INTS1: variants seen among roughly 807,000 people sequenced by gnomAD.
The protein encoded by INTS1 is integrator complex subunit 1.
INTS1 carries 137 observed loss-of-function variants against 241.6 expected under a neutral mutation model. The ratio of observed to expected loss-of-function variants is 0.57; its 90% CI spans 0.49 to 0.65. INTS1 has a LOEUF of 0.65. INTS1 is among the 30% of genes least tolerant of loss of function. The pLI is 0.00. For missense variants in INTS1, 3,073 were observed against 3,032.2 expected (o/e 1.01, Z -0.32); for synonymous variants, 1,692 against 1,337.8 (o/e 1.26, Z -5.78).
In INTS1 at chr7:1,499,177, G is replaced by A. The variant is rs1243998961; in HGVS notation, c.951-16C>T. On this transcript the variant is annotated splice_polypyrimidine_tract_variant and intron_variant, in intron 7 of 47. Transcript: ENST00000404767. ...CTCTTCGTACCTAGGCCAGAGGAGG[G>A]AGCGAGGAGGGAGGAAGGTGGCCCC... The A allele has an allele frequency of 9.3e-6, 15 of 1,606,408 alleles. No homozygotes were observed. The highest frequency in any genetic ancestry group is 3.4e-4 in the Middle Eastern group (2 of 5,834).
At chr7:1,504,240 C>G (rs981035797) in intron 1 of INTS1, 83 bp downstream of exon 1, 23 of 561,280 alleles carry the variant, frequency 4.1e-5, no homozygotes, top group Non-Finnish European at 7.0e-5. Context: ...CCAGAAGGGA[C>G]GGCCCAGAGG....
At chr7:1,499,659 C>A in intron 5 of INTS1, 27 bp from the exon 6 acceptor site, 1 of 1,572,154 alleles carries the variant, frequency 6.4e-7, no homozygotes, top group Non-Finnish European at 8.7e-7. Context: ...CCCTCAGCCC[C>A]GAGCCCAGCC....
chr7:1,483,901 G>GC (rs1363686748), intron 25 of INTS1, 48 bp from the exon 26 acceptor site: 1 of 1,588,472 alleles, frequency 6.3e-7, no homozygotes, highest in Non-Finnish European at 8.6e-7. Flanking sequence ...GGGACCCTGA[G>GC]CCAGCGCCGA....
At chr7:1,475,872 G>A (rs1393354548) in intron 39 of INTS1, 76 bp downstream of exon 39, 1 of 1,493,004 alleles carries the variant, frequency 6.7e-7, no homozygotes, top group Non-Finnish European at 9.0e-7. Context: ...CATGTACACT[G>A]TGGCCTCCGC....
At chr7:1,492,942 C>G in intron 16 of INTS1, 68 bp downstream of exon 16, 1 of 1,156,400 alleles carries the variant, frequency 8.6e-7, no homozygotes. Flanking sequence ...GCGGGCTTAC[C>G]CGGGTGGGAG....
At chr7:1,478,071 G>T in intron 33 of INTS1, 135 bp from the exon 34 acceptor site, 2 of 787,750 alleles carry the variant, frequency 2.5e-6, no homozygotes, top group South Asian at 3.3e-5. Flanking sequence ...CGGAGCCAGA[G>T]AGGAGAGTGC....
rs897978692 is a variant in INTS1, at chr7:1,474,321, G to C, written c.5676C>G (p.Thr1892=). The change falls in exon 41 of 48, where the codon ACC becomes ACG. Residue 1892 remains threonine (T), a synonymous_variant. Transcript: ENST00000404767. ...PMIAALLHGR[T]HLNFQEFRQQ... is the part of the protein sequence containing the mutation. Reference sequence around the variant, plus strand: ...GCCGGAACTCCTGGAAGTTGAGGTGGGTGCGGCCGTGCAGGAGCGCCGCGA... The same window carrying C: ...GCCGGAACTCCTGGAAGTTGAGGTGCGTGCGGCCGTGCAGGAGCGCCGCGA... The C allele has an allele frequency of 6.8e-6, 11 of 1,606,738 alleles. No individual in the cohort carries two copies. In the Admixed American group the frequency reaches 1.3e-4, roughly 20 times the overall value.
chr7:1,479,515 G>T lies in INTS1; in HGVS notation c.4244C>A (p.Ser1415Tyr). ...CATCACCAGGGCACCGCCGTGTGGG[G>T]AGCTGAGCAGGGTGGCGAGGGCCTG... ...VLQALATLLS[S>Y]PHGGALVMSM... is the part of the protein sequence containing the mutation. The change falls in exon 31 of 48, where the codon TCC becomes TAC. Residue 1415 changes from serine to tyrosine, a missense_variant. Ser to Tyr is a moderately radical substitution (Grantham distance 144, BLOSUM62 -2). Coordinates refer to ENST00000404767, the MANE Select transcript of INTS1 (RefSeq NM_001080453.3). 1.3e-6 allele frequency: 2 copies of T among 1,569,082 alleles called. No homozygotes were observed. The highest frequency in any genetic ancestry group is 8.6e-7 in the Non-Finnish European group (1 of 1,158,468).
At chr7:1,486,899 G>C in intron 21 of INTS1, 23 bp downstream of exon 21, 1 of 1,583,930 alleles carries the variant, frequency 6.3e-7, no homozygotes. Flanking sequence ...AGGCGGGGGG[G>C]CTGAGGGGTG....
chr7:1,499,848 T>C (rs920493795), intron 5 of INTS1, 36 bp downstream of exon 5: 1 of 1,597,806 alleles, frequency 6.3e-7, no homozygotes, highest in Admixed American at 1.7e-5. Flanking sequence ...CCCGTGGCGC[T>C]CTGCCATCTT....
chr7:1,473,932 G>A (rs574517303), intron 41 of INTS1, among the ~76,000 whole-genome samples: 17 of 152,364 alleles, frequency 1.1e-4, no homozygotes, highest in Non-Finnish European at 2.1e-4. Flanking sequence ...CAAGCGACAC[G>A]CAGAGAACAG....
Position 1,481,574 on chromosome 7 carries a change from T to C in INTS1, c.3704-86A>G. On this transcript the variant is annotated intron_variant, in intron 27 of 47. Transcript: ENST00000404767. This position sits in a 1 kb window ranked among gnomAD's most constrained non-coding sequence, Gnocchi z 6.8. The stretch of plus-strand genomic sequence containing the variant: ...CACCCGAGACCTGGGGCTGCCTGTG[T>C]GCAGTGACCCCACCCACCTGAGACC... 1 of 1,399,454 alleles carries C rather than the reference T, an allele frequency of 7.1e-7. No individual in the cohort carries two copies. The highest frequency in any genetic ancestry group is 2.4e-5 in the Admixed American group (1 of 42,430). 86.7% of individuals were successfully genotyped at this position (1,399,454 alleles called of 1,614,324 possible).
Position 1,481,926 on chromosome 7 carries a change from C to T in INTS1, c.3704-438G>A, listed in dbSNP as rs979342346. ...GCGCTCCAGAGGGCCTATGGTGGCA[C>T]GGCGCAGTACACTTCCGAAGCTGCA... On this transcript the variant is annotated intron_variant, in intron 27 of 47. Transcript: ENST00000404767. This position sits in a 1 kb window ranked among gnomAD's most constrained non-coding sequence, Gnocchi z 6.8. Among the ~76,000 whole-genome samples the T allele has an allele frequency of 5.3e-5, 8 of 152,292 alleles. No homozygotes were observed. Among genetic ancestry groups the T allele is most frequent in the East Asian group, 1.9e-4 (1 of 5,176 alleles).
rs769224940 is a variant in INTS1, at chr7:1,472,368, G to A, written c.6089C>T (p.Ser2030Phe). 3.8e-6 allele frequency: 6 copies of A among 1,559,046 alleles called. No individual in the cohort carries two copies. In the Admixed American group the frequency reaches 1.1e-4, roughly 29 times the overall value. Reference protein sequence around the residue: ...EEGEEESSAGSLPLVSVSLFT... With the variant: ...EEGEEESSAGFLPLVSVSLFT... ...CAGGGAGACGCTGACCAGGGGCAAG[G>A]AGCCGGCTGAGCTCTCCTCTGGAAG... Residue 2030 changes from serine to phenylalanine, a missense_variant, in exon 44 of 48, where the codon TCC (serine) becomes TTC (phenylalanine). Physicochemically the swap from Ser to Phe is radical, Grantham distance 155. Coordinates refer to ENST00000404767, the MANE Select transcript of INTS1 (RefSeq NM_001080453.3).
At chr7:1,503,838 G>T in intron 2 of INTS1, 65 bp downstream of exon 2, 1 of 1,225,910 alleles carries the variant, frequency 8.2e-7, no homozygotes. Context: ...CGGCAGCTGA[G>T]ATCCCCAAAG....
intron 21 of INTS1, 48 bp from the exon 22 acceptor site, chr7:1,486,822 G>A (rs372063618): frequency 6.2e-7 from 1 of 1,603,734 alleles, no homozygotes; most frequent in African/African-American, 1.3e-5. Context: ...AGGCCAGGCG[G>A]GTAGGACGTG....
chr7:1,479,642 G>C lies in INTS1; in HGVS notation c.4117C>G (p.Pro1373Ala), dbSNP rs562279230. 4 of 1,504,184 alleles carry C rather than the reference G, an allele frequency of 2.7e-6. No individual in the cohort carries two copies. The African/African-American group carries it at 4.2e-5, about 16-fold the overall frequency. 93.2% of individuals were successfully genotyped at this position (1,504,184 alleles called of 1,614,324 possible). A position where few individuals can be genotyped will look rare whatever the true frequency, so the allele number is the denominator to read the frequency against. ...TGCAGGGCGAGGGCCACGGGGCGGG[G>C]ACTGGAGCTCTGCCACCGAGGGTCC... ...SPDPRWQSSS[P>A]RPVALALQQA... is the part of the protein sequence containing the mutation. Residue 1373 changes from proline (P) to alanine (A), a missense_variant, in exon 31 of 48, where the codon CCC (proline) becomes GCC (alanine). Transcript: ENST00000404767.
intron 3 of INTS1, among the ~76,000 whole-genome samples, chr7:1,502,411 C>T (rs1361548772): frequency 6.6e-6 from 1 of 152,162 alleles, no homozygotes; most frequent in Non-Finnish European, 1.5e-5. Flanking sequence ...TTACATTCCC[C>T]CGTTGATGTC....
rs1049125113 is a variant in INTS1, at chr7:1,470,330, C to T, written c.*247G>A. ...AGCCCAGGCCATGCCCGGGGGGATC[C>T]GCCGCTCCGCGGCAGGGCTGTGGCC... On this transcript the variant is annotated 3_prime_UTR_variant, in exon 48 of 48. Coordinates refer to ENST00000404767, the MANE Select transcript of INTS1 (RefSeq NM_001080453.3). 1.8e-4 allele frequency: 83 copies of T among 472,886 alleles called. No individual in the cohort carries two copies. The highest frequency in any genetic ancestry group is 5.4e-4 in the Middle Eastern group (1 of 1,864). The allele number at this position is 472,886 out of a possible 1,614,324, so 29.3% of individuals were successfully genotyped here. A position where few individuals can be genotyped will look rare whatever the true frequency, so the allele number is the denominator to read the frequency against.
Sources: gnomAD v4.1 joint callset for allele counts (sites outside exome capture counted in the v4.1 genomes callset) on GRCh38, gnomAD v4.1.1 for gene constraint, Gnocchi (gnomAD v3.1) non-coding constraint, MANE v1.5 for transcripts, NCBI Gene and HGNC (gene_info 2026-07-23, HGNC 2026-07-21) for gene names.